The following PAK6 variants were observed in gnomAD, a reference collection of about 807,000 sequenced individuals.
PAK6 encodes p21 (RAC1) activated kinase 6.
In PAK6, 33 loss-of-function variants were observed where a neutral mutation model predicts 60.8. The observed-to-expected ratio is 0.54, with a 90% CI of 0.41 to 0.73. The LOEUF is 0.73. Ranked by LOEUF, PAK6 falls within the 30% of genes least tolerant of loss-of-function variation. The pLI, the probability that PAK6 is intolerant of heterozygous loss-of-function variation, is 0.00. For synonymous variants in PAK6, 404 were observed against 378.5 expected (o/e 1.07, Z -0.78); for missense variants, 845 against 904.1 (o/e 0.93, Z 0.84).
intron 2 of PAK6, chr15:40,252,641 G>C: frequency 7.5e-7 from 1 of 1,332,054 alleles, no homozygotes; most frequent in African/African-American, 1.5e-5. Flanking sequence ...GCGGAGGGCG[G>C]GCCCGGCTCC....
chr15:40,268,034 C>T (rs1318017233), intron 5 of PAK6, among the ~76,000 whole-genome samples: 1 of 152,216 alleles, frequency 6.6e-6, no homozygotes, highest in East Asian at 1.9e-4. Flanking sequence ...CTGTCCATCC[C>T]TGCACAATGT....
At chr15:40,263,412 G>A (rs894714554) in intron 3 of PAK6, among the ~76,000 whole-genome samples, 1 of 152,118 alleles carries the variant, frequency 6.6e-6, no homozygotes, top group Non-Finnish European at 1.5e-5. Flanking sequence ...TGTGATCCCA[G>A]GTCCGGGATC....
intron 9 of PAK6, chr15:40,273,924 G>A (rs2039379979): frequency 3.0e-6 from 2 of 670,546 alleles, no homozygotes; most frequent in African/African-American, 1.8e-5. Context: ...TATGTATGAT[G>A]GCCTTTCTCT....
chr15:40,249,097 G>C (rs1340326194), intron 2 of PAK6, among the ~76,000 whole-genome samples: 1 of 152,162 alleles, frequency 6.6e-6, no homozygotes, highest in African/African-American at 2.4e-5. Flanking sequence ...CTGCTTCCAG[G>C]TTCAGAGCTG....
At chr15:40,272,583 G>A in exon 6 of PAK6, 1 of 1,613,142 alleles carries the variant, frequency 6.2e-7, no homozygotes, top group Non-Finnish European at 8.5e-7. Context: ...CCCGGCTGCT[G>A]CTGGACAGCT....
chr15:40,271,568 A>C (rs1314094035), intron 5 of PAK6, among the ~76,000 whole-genome samples: 1 of 152,190 alleles, frequency 6.6e-6, no homozygotes, highest in African/African-American at 2.4e-5. Context: ...CCAGATTCCC[A>C]GCCCAGGGGA....
intron 10 of PAK6, among the ~76,000 whole-genome samples, chr15:40,275,696 C>A (rs1024839772): frequency 6.6e-6 from 1 of 152,118 alleles, no homozygotes; most frequent in South Asian, 2.1e-4. Flanking sequence ...TGTGACTTGC[C>A]TGAGATCACG....
At chr15:40,263,272 G>T (rs1205665938) in intron 3 of PAK6, among the ~76,000 whole-genome samples, 1 of 151,342 alleles carries the variant, frequency 6.6e-6, no homozygotes, top group Non-Finnish European at 1.5e-5. Flanking sequence ...TTCAGTTCAA[G>T]AATCATGTTT....
At chr15:40,243,700 A>G (rs914261957) in intron 2 of PAK6, among the ~76,000 whole-genome samples, 1 of 152,242 alleles carries the variant, frequency 6.6e-6, no homozygotes, top group African/African-American at 2.4e-5. Context: ...GGAAGAAACA[A>G]TAATGCCAGG....
chr15:40,268,570 CTT>C (rs2039213619), intron 5 of PAK6, among the ~76,000 whole-genome samples: 1 of 152,198 alleles, frequency 6.6e-6, no homozygotes, highest in South Asian at 2.1e-4. Flanking sequence ...ACTCTGGACA[CTT>C]GCAGCAGCTT....
rs58716292 is a variant in PAK6, at chr15:40,276,749, C to CGTGTGTGTGTGTGTGTGTGTGTGTGTGT, written c.*668_*695dup. 3 of 134,514 alleles carry CGTGTGTGTGTGTGTGTGTGTGTGTGTGT rather than the reference C, an allele frequency of 2.2e-5. 1 individual carries two copies. 8.3% of individuals were successfully genotyped at this position (134,514 alleles called of 1,614,324 possible). A position where few individuals can be genotyped will look rare whatever the true frequency, so the allele number is the denominator to read the frequency against. On this transcript the variant is annotated 3_prime_UTR_variant, in exon 11 of 11. Coordinates refer to ENST00000560346, the Ensembl canonical transcript of PAK6. ...TCACTTTACAGAATGGAGAGAACAT[C>CGTGTGTGTGTGTGTGTGTGTGTGTGTGT]GTGTGTGTGTGTGTGTGTGTGTGTG...
intron 7 of PAK6, 65 bp from the exon 8 acceptor site, chr15:40,273,281 A>C: frequency 6.4e-7 from 1 of 1,573,334 alleles, no homozygotes; most frequent in African/African-American, 1.3e-5. Flanking sequence ...TACTCTGCTC[A>C]GCCACCCCAC....
intron 5 of PAK6, among the ~76,000 whole-genome samples, chr15:40,270,340 A>G (rs892219114): frequency 2.0e-5 from 3 of 152,144 alleles, no homozygotes; most frequent in Non-Finnish European, 4.4e-5. Flanking sequence ...GAGTTTCTCA[A>G]AGTATGTTCC....
At chr15:40,274,450 G>A (rs566662580) in intron 10 of PAK6, among the ~76,000 whole-genome samples, 174 bp downstream of exon 10, 19 of 152,244 alleles carry the variant, frequency 1.2e-4, no homozygotes, top group African/African-American at 3.4e-4. Context: ...CCGCATCTAC[G>A]CACAAGTTCG....
chr15:40,241,384 T>C lies in PAK6; in HGVS notation c.-118+703T>C, dbSNP rs2038327723. 2.0e-5 allele frequency among the ~76,000 whole-genome samples: 3 copies of C among 152,288 alleles called. No homozygotes were observed. The South Asian group carries it at 6.2e-4, about 32-fold the overall frequency. On this transcript the variant is annotated intron_variant, in intron 2 of 10. Transcript: ENST00000560346. ...AGGCTGGTTCTGGTGGGAACTGGGC[T>C]GCAGGAGGAGAGGATGAGCTTAGGA...
At chr15:40,240,776 C>A in intron 2 of PAK6, 95 bp downstream of exon 2, 1 of 387,056 alleles carries the variant, frequency 2.6e-6, no homozygotes, top group Non-Finnish European at 5.1e-6. Flanking sequence ...GACAGGGAGG[C>A]TAACTCCACA....
chr15:40,241,578 G>C (rs1159612021), intron 2 of PAK6, among the ~76,000 whole-genome samples: 1 of 152,200 alleles, frequency 6.6e-6, no homozygotes, highest in Non-Finnish European at 1.5e-5. Flanking sequence ...TAGTGACAGA[G>C]CGCCTGGTCA....
chr15:40,256,182 G>A (rs536835653), intron 3 of PAK6, among the ~76,000 whole-genome samples: 2 of 152,136 alleles, frequency 1.3e-5, no homozygotes, highest in South Asian at 2.1e-4. Flanking sequence ...CTCTGATCGC[G>A]CCACTGCATT....
At chr15:40,266,602 G>A in intron 5 of PAK6, 107 bp downstream of exon 5, 1 of 1,168,608 alleles carries the variant, frequency 8.6e-7, no homozygotes. Flanking sequence ...TCCCTGGACT[G>A]CTTCCGCCTA....
Sources: gnomAD v4.1 joint callset for allele counts (sites outside exome capture counted in the v4.1 genomes callset) on GRCh38, gnomAD v4.1.1 for gene constraint, MANE v1.5 for transcripts, NCBI Gene and HGNC (gene_info 2026-07-23, HGNC 2026-07-21) for gene names.